The following TMEM132B variants were observed in gnomAD, a reference collection of about 807,000 sequenced individuals.
TMEM132B encodes the protein transmembrane protein 132B.
TMEM132B carries 18 observed loss-of-function variants against 90.8 expected under a neutral mutation model. The ratio of observed to expected loss-of-function variants is 0.20; its 90% CI spans 0.14 to 0.29. The LOEUF (loss-of-function observed/expected upper bound fraction) is 0.29, where lower values mean the gene tolerates loss of function less well. Ranked by LOEUF, TMEM132B falls within the 10% of genes least tolerant of loss-of-function variation. The probability of loss-of-function intolerance (pLI) is 1.00; values close to 1 mark genes in which losing one functional copy is unlikely to be tolerated. For missense variants in TMEM132B, 1,096 were observed against 1,326.8 expected, an observed-to-expected ratio of 0.83 and a Z score of 2.70; for synonymous variants, 504 against 523.3, an observed-to-expected ratio of 0.96 and a Z score of 0.50.
intron 3 of TMEM132B, among the ~76,000 whole-genome samples, chr12:125,507,326 G>C (rs1273381281): frequency 1.3e-5 from 2 of 152,188 alleles, no homozygotes; most frequent in East Asian, 3.8e-4. Flanking sequence ...GGAACATGCA[G>C]ACAAAACCCT....
intron 3 of TMEM132B, among the ~76,000 whole-genome samples, chr12:125,500,174 C>T (rs1391201892): frequency 6.6e-6 from 1 of 152,236 alleles, no homozygotes; most frequent in African/African-American, 2.4e-5. Flanking sequence ...GCATTGCAGG[C>T]TGCTGGCCAG....
rs921317037 is a variant in TMEM132B, at chr12:125,458,644, A to C, written c.1106+42967A>C. 1.3e-5 allele frequency among the ~76,000 whole-genome samples: 2 copies of C among 152,166 alleles called. No homozygotes were observed. Among genetic ancestry groups the C allele is most frequent in the African/African-American group, 4.8e-5 (2 of 41,442 alleles). ...ACCCCTGGAAATGAGACTCACATCC[A>C]TGCGGCCAGCGTCCGTGTCCCCTGC... On this transcript the variant is annotated intron_variant, in intron 3 of 8. Coordinates refer to ENST00000682704, the MANE Select transcript of TMEM132B (RefSeq NM_001366854.1). This position sits in a 1 kb window ranked among gnomAD's most constrained non-coding sequence, Gnocchi z 4.9.
At chr12:125,204,100 T>C (rs1873127308) in intron 1 of TMEM132B, among the ~76,000 whole-genome samples, 2 of 152,282 alleles carry the variant, frequency 1.3e-5, no homozygotes, top group African/African-American at 4.8e-5. Flanking sequence ...CATCTTTCAA[T>C]GAGGGCTCCC....
At chr12:125,560,886 G>T (rs766901911) in intron 4 of TMEM132B, among the ~76,000 whole-genome samples, 2 of 146,962 alleles carry the variant, frequency 1.4e-5, no homozygotes, top group Non-Finnish European at 3.0e-5. Context: ...ATGCTGGAGA[G>T]GATGTGGAGA....
chr12:125,475,114 A>C (rs1433697730), intron 3 of TMEM132B, among the ~76,000 whole-genome samples: 2 of 151,910 alleles, frequency 1.3e-5, no homozygotes, highest in African/African-American at 4.8e-5. Context: ...ATATCACCTT[A>C]CCCGGGTGAC....
intron 2 of TMEM132B, among the ~76,000 whole-genome samples, chr12:125,394,386 A>G (rs1300350624): frequency 6.6e-6 from 1 of 152,196 alleles, no homozygotes; most frequent in East Asian, 1.9e-4. Flanking sequence ...TTTTGAGCAG[A>G]CCACCTGGTT....
chr12:125,530,149 T>C (rs1321684758), intron 4 of TMEM132B, among the ~76,000 whole-genome samples: 1 of 152,240 alleles, frequency 6.6e-6, no homozygotes, highest in Non-Finnish European at 1.5e-5. Flanking sequence ...GTCAACAACA[T>C]GCTTTGGAGC....
chr12:125,627,861 T>C (rs1886271160), intron 5 of TMEM132B, among the ~76,000 whole-genome samples: 2 of 152,160 alleles, frequency 1.3e-5, no homozygotes, highest in South Asian at 4.1e-4. Flanking sequence ...ACTATCTTCG[T>C]GAGTTCAATT....
intron 3 of TMEM132B, among the ~76,000 whole-genome samples, chr12:125,508,683 G>A (rs1411136881): frequency 1.3e-5 from 2 of 152,110 alleles, no homozygotes; most frequent in Non-Finnish European, 2.9e-5. Flanking sequence ...TAGAGATGCA[G>A]AGTAATCCTG....
At chr12:125,624,325 C>T (rs1238753605) in intron 5 of TMEM132B, among the ~76,000 whole-genome samples, 1 of 152,160 alleles carries the variant, frequency 6.6e-6, no homozygotes. Context: ...CTGCCAGTTG[C>T]CAGCTGTATG....
chr12:125,396,888 A>G (rs1477249707), intron 2 of TMEM132B, among the ~76,000 whole-genome samples: 2 of 152,208 alleles, frequency 1.3e-5, no homozygotes. Context: ...CCACGTTCAC[A>G]CAGCTAGAGT....
chr12:125,472,860 C>A (rs1203498915), intron 3 of TMEM132B, among the ~76,000 whole-genome samples: 1 of 152,144 alleles, frequency 6.6e-6, no homozygotes, highest in African/African-American at 2.4e-5. Context: ...TTAGAAATCA[C>A]CCAGTCTAAA....
At chr12:125,442,266 T>A (rs1880895857) in intron 3 of TMEM132B, among the ~76,000 whole-genome samples, 1 of 151,848 alleles carries the variant, frequency 6.6e-6, no homozygotes, top group South Asian at 2.1e-4. Flanking sequence ...ATATATGAAA[T>A]AGGGAACCAA....
At chr12:125,560,522 T>A (rs1261485527) in intron 4 of TMEM132B, among the ~76,000 whole-genome samples, 4 of 151,978 alleles carry the variant, frequency 2.6e-5, no homozygotes, top group African/African-American at 9.7e-5. Flanking sequence ...AGAATAGTGA[T>A]CATTAAAAAG....
intron 1 of TMEM132B, among the ~76,000 whole-genome samples, chr12:125,310,710 G>C (rs958874102): frequency 1.3e-5 from 2 of 152,190 alleles, no homozygotes; most frequent in Admixed American, 6.5e-5. Context: ...CAGCCACGCA[G>C]AGAAACACTT....
chr12:125,421,289 A>G (rs1300115841), intron 3 of TMEM132B, among the ~76,000 whole-genome samples: 4 of 152,250 alleles, frequency 2.6e-5, no homozygotes, highest in Non-Finnish European at 5.9e-5. Context: ...CATACCTAAG[A>G]CTGGGTAATT....
chr12:125,594,148 C>T (rs931657876), intron 5 of TMEM132B, among the ~76,000 whole-genome samples: 21 of 152,334 alleles, frequency 1.4e-4, no homozygotes, highest in African/African-American at 5.1e-4. Flanking sequence ...CAAATAGAAT[C>T]ATAATGTATG....
intron 3 of TMEM132B, among the ~76,000 whole-genome samples, chr12:125,455,579 T>C (rs1881270574): frequency 6.6e-6 from 1 of 152,184 alleles, no homozygotes; most frequent in African/African-American, 2.4e-5. Flanking sequence ...TTATTCTTTC[T>C]TTACTATTTT....
chr12:125,250,008 G>A (rs936207460), intron 1 of TMEM132B, among the ~76,000 whole-genome samples: 1 of 152,222 alleles, frequency 6.6e-6, no homozygotes, highest in African/African-American at 2.4e-5. Flanking sequence ...CAGAGTGCAG[G>A]GCGTTTTATT....
Sources: gnomAD v4.1 joint callset for allele counts (sites outside exome capture counted in the v4.1 genomes callset) on GRCh38, gnomAD v4.1.1 for gene constraint, Gnocchi (gnomAD v3.1) non-coding constraint, MANE v1.5 for transcripts, NCBI Gene and HGNC (gene_info 2026-07-23, HGNC 2026-07-21) for gene names.